IL1RL2: variants seen among roughly 807,000 people sequenced by gnomAD.
IL1RL2 encodes the protein interleukin-1 receptor-like 2.
Under a neutral mutation model 66.8 loss-of-function variants are expected in IL1RL2, and 68 were observed. The ratio of observed to expected loss-of-function variants is 1.02; its 90% CI spans 0.84 to 1.25. The LOEUF is 1.25. IL1RL2 is among the 50% of genes most tolerant of loss of function. The probability of loss-of-function intolerance (pLI) is 0.00; values close to 1 mark genes in which losing one functional copy is unlikely to be tolerated. For missense variants in IL1RL2, 729 were observed against 709.3 expected (o/e 1.03, Z -0.32); for synonymous variants, 305 against 264.6 (o/e 1.15, Z -1.48).
intron 5 of IL1RL2, among the ~76,000 whole-genome samples, chr2:102,205,567 G>T (rs1197468458): frequency 6.6e-6 from 1 of 152,114 alleles, no homozygotes; most frequent in African/African-American, 2.4e-5. Flanking sequence ...GCCACTCCTG[G>T]CCTATAAGGT....
At chr2:102,219,175 T>G in intron 7 of IL1RL2, 93 bp downstream of exon 7, 2 of 1,405,104 alleles carry the variant, frequency 1.4e-6, no homozygotes, top group South Asian at 2.4e-5. Context: ...TCCTCTTGTT[T>G]TTGCCTCTCA....
intron 5 of IL1RL2, among the ~76,000 whole-genome samples, chr2:102,205,498 T>C (rs1001378020): frequency 4.6e-5 from 7 of 152,204 alleles, no homozygotes; most frequent in Non-Finnish European, 1.0e-4. Context: ...CTTCTTCATG[T>C]TTGAAGGTTA....
intron 11 of IL1RL2, among the ~76,000 whole-genome samples, chr2:102,238,419 A>G (rs1675057137): frequency 6.6e-6 from 1 of 152,180 alleles, no homozygotes; most frequent in Non-Finnish European, 1.5e-5. Flanking sequence ...GTGCTTGGCA[A>G]ACCGTGGGAT....
intron 5 of IL1RL2, among the ~76,000 whole-genome samples, chr2:102,210,515 G>A (rs550010580): frequency 1.4e-4 from 21 of 152,276 alleles, no homozygotes; most frequent in East Asian, 5.8e-4. Context: ...CAGAAGCGCA[G>A]GTAAGGCATG....
Position 102,239,273 on chromosome 2 carries a change from A to G in IL1RL2, c.*32A>G. The G allele has an allele frequency of 1.2e-6, 2 of 1,606,614 alleles. No individual in the cohort carries two copies. The highest frequency in any genetic ancestry group is 1.7e-6 in the Non-Finnish European group (2 of 1,173,122). On this transcript the variant is annotated 3_prime_UTR_variant, in exon 12 of 12. Coordinates refer to ENST00000264257, the MANE Select transcript of IL1RL2 (RefSeq NM_003854.4). ...CTGGACTGACACCTATGGCTGGAAG[A>G]TGACTTGTTTTGCTCCATGTCTCCT...
chr2:102,193,687 T>G (rs1212485623), intron 4 of IL1RL2, among the ~76,000 whole-genome samples: 1 of 152,224 alleles, frequency 6.6e-6, no homozygotes, highest in African/African-American at 2.4e-5. Flanking sequence ...CAACCTTGTG[T>G]TGAACTTTGT....
chr2:102,218,373 A>G (rs1262175961), intron 6 of IL1RL2, among the ~76,000 whole-genome samples: 3 of 152,194 alleles, frequency 2.0e-5, no homozygotes, highest in Non-Finnish European at 4.4e-5. Flanking sequence ...CTGAGACTAT[A>G]AATTGATGAA....
At chr2:102,188,304 G>A (rs973383969) in intron 2 of IL1RL2, among the ~76,000 whole-genome samples, 7 of 152,172 alleles carry the variant, frequency 4.6e-5, no homozygotes, top group Non-Finnish European at 8.8e-5. Context: ...ATTTGGTATG[G>A]CCGGGCGCAG....
downstream of IL1RL2, among the ~76,000 whole-genome samples, chr2:102,242,745 G>C (rs1359263778): frequency 2.6e-5 from 4 of 152,106 alleles, no homozygotes; most frequent in African/African-American, 7.2e-5. Flanking sequence ...TTACAGACAC[G>C]TCCATAAATA....
intron 9 of IL1RL2, among the ~76,000 whole-genome samples, chr2:102,230,427 A>G (rs1310848982): frequency 6.6e-6 from 1 of 152,176 alleles, no homozygotes; most frequent in Non-Finnish European, 1.5e-5. Context: ...TTCAAGACAC[A>G]AATTAGTTAT....
intron 11 of IL1RL2, 56 bp downstream of exon 11, chr2:102,235,333 G>A: frequency 6.4e-7 from 1 of 1,568,616 alleles, no homozygotes; most frequent in Non-Finnish European, 8.6e-7. Flanking sequence ...GTCTATCATT[G>A]CGTGGTGGCT....
At position 102,201,609 on chromosome 2, in the gene IL1RL2, GGTGAGCAAT is replaced by G. The variant is rs1175130534; in HGVS notation, c.546_554del (p.Asn184_Ser186del). On this transcript the variant is annotated inframe_deletion, in exon 5 of 12. Transcript: ENST00000264257. The stretch of plus-strand genomic sequence containing the variant: ...TCACTGTTTTGGAAACCAGGCTTTT[GGTGAGCAAT>G]GTCTCGGCAGAGGACAGAGGGAACT... The G allele has an allele frequency of 1.2e-6, 2 of 1,613,994 alleles. No homozygotes were observed. The highest frequency in any genetic ancestry group is 1.7e-6 in the Non-Finnish European group (2 of 1,179,992).
chr2:102,207,789 C>T (rs923980758), intron 5 of IL1RL2, among the ~76,000 whole-genome samples: 1 of 152,214 alleles, frequency 6.6e-6, no homozygotes, highest in African/African-American at 2.4e-5. Context: ...TCCACCGTCT[C>T]TGGGCAGCAC....
chr2:102,221,116 G>A (rs1294698808), intron 8 of IL1RL2, among the ~76,000 whole-genome samples: 3 of 152,136 alleles, frequency 2.0e-5, no homozygotes, highest in Non-Finnish European at 4.4e-5. Context: ...CATGTGGAAG[G>A]ACCCTTGGGT....
intron 4 of IL1RL2, among the ~76,000 whole-genome samples, chr2:102,200,789 G>A (rs1030608969): frequency 2.6e-5 from 4 of 152,058 alleles, no homozygotes; most frequent in Non-Finnish European, 5.9e-5. Flanking sequence ...GGTGGTTGCT[G>A]GGAGAGAAAG....
Position 102,201,643 on chromosome 2 carries a change from T to G in IL1RL2, c.577T>G (p.Tyr193Asp). 1.2e-6 allele frequency: 2 copies of G among 1,614,102 alleles called. No individual in the cohort carries two copies. Among genetic ancestry groups the G allele is most frequent in the Non-Finnish European group, 1.7e-6 (2 of 1,179,992 alleles). ...TGTCTCGGCAGAGGACAGAGGGAAC[T>G]ACGCGTGTCAAGCCATACTGACACA... ...SNVSAEDRGN[Y>D]ACQAILTHSG... The change falls in exon 5 of 12, where the codon TAC becomes GAC. Residue 193 changes from tyrosine (Y) to aspartate (D), a missense_variant. By Grantham distance (160) the Tyr-to-Asp change is radical. Transcript: ENST00000264257.
chr2:102,188,830 A>C (rs1686964855), intron 2 of IL1RL2, among the ~76,000 whole-genome samples: 1 of 151,406 alleles, frequency 6.6e-6, no homozygotes, highest in South Asian at 2.1e-4. Flanking sequence ...GAGGGAAATC[A>C]CTCCCGATGG....
intron 3 of IL1RL2, among the ~76,000 whole-genome samples, chr2:102,190,805 G>T (rs1311067006): frequency 6.6e-6 from 1 of 152,230 alleles, no homozygotes; most frequent in Non-Finnish European, 1.5e-5. Context: ...GTCGAAGCTA[G>T]ACTTAAACTA....
chr2:102,235,531 A>T (rs1674802397), intron 11 of IL1RL2: 3 of 985,366 alleles, frequency 3.0e-6, no homozygotes, highest in South Asian at 4.7e-5. Flanking sequence ...ATGCCCACTC[A>T]CTGAGGCCTG....
Sources: gnomAD v4.1 joint callset for allele counts (sites outside exome capture counted in the v4.1 genomes callset) on GRCh38, gnomAD v4.1.1 for gene constraint, MANE v1.5 for transcripts, NCBI Gene and HGNC (gene_info 2026-07-23, HGNC 2026-07-21) for gene names.